Variants in PDGFRB observed in about 807,000 individuals in gnomAD.
The protein encoded by PDGFRB is platelet-derived growth factor receptor beta.
A neutral mutation model predicts 120.2 loss-of-function variants in PDGFRB; 42 were observed. The ratio of observed to expected loss-of-function variants is 0.35; its 90% CI spans 0.27 to 0.45. PDGFRB has a LOEUF of 0.45. PDGFRB is among the 20% of genes least tolerant of loss of function. The pLI, the probability that PDGFRB is intolerant of heterozygous loss-of-function variation, is 1.00. For missense variants in PDGFRB, 1,149 were observed against 1,476.3 expected (o/e 0.78, Z 3.63); for synonymous variants, 586 against 606.8 (o/e 0.97, Z 0.50).
At position 150,130,570 on chromosome 5, in the gene PDGFRB, T is replaced by C. The variant is rs778336670; in HGVS notation, c.1336A>G (p.Ile446Val). ...AGGTCTCTGCAGGCAGACCAGATGA[T>C]GTTCGGCTGGGGCATGCCCCGGCCA... is the stretch of plus-strand genomic sequence containing the variant. ...CRGRGMPQPN[I>V]IWSACRDLKR... is the part of the protein sequence containing the mutation. The change falls in exon 9 of 23, where the codon ATC (isoleucine) becomes GTC (valine). Residue 446 changes from isoleucine to valine, a missense_variant. This residue lies in a region of PDGFRB where 879 missense variants were observed against 1,108.6 expected (regional missense o/e 0.79). Transcript: ENST00000261799. 3.1e-6 allele frequency: 5 copies of C among 1,612,082 alleles called. No homozygotes were observed. The highest frequency in any genetic ancestry group is 2.5e-6 in the Non-Finnish European group (3 of 1,179,234).
chr5:150,133,068 T>A (rs1760518224), intron 6 of PDGFRB, 126 bp from the exon 7 acceptor site: 9 of 695,048 alleles, frequency 1.3e-5, no homozygotes, highest in Non-Finnish European at 2.1e-5. Flanking sequence ...TTTCCGGAGC[T>A]GAGGTTGAAA....
At position 150,133,971 on chromosome 5, in the gene PDGFRB, A is replaced by C; in HGVS notation, c.669T>G (p.Thr223=). The C allele has an allele frequency of 6.2e-7, 1 of 1,613,796 alleles. No homozygotes were observed. Among genetic ancestry groups the C allele is most frequent in the Non-Finnish European group, 8.5e-7 (1 of 1,179,674 alleles). ...SINVSVNAVQ[T]VVRQGENITL... is the part of the protein sequence containing the mutation. ...TGATGTTCTCACCCTGGCGGACCAC[A>C]GTCTGCACTGCGTTCACAGAGACGT... The change falls in exon 5 of 23, where the codon ACT becomes ACG. Residue 223 remains threonine, a synonymous_variant. Coordinates refer to ENST00000261799, the MANE Select transcript of PDGFRB (RefSeq NM_002609.4).
chr5:150,114,657 G>C lies in PDGFRB; in HGVS notation c.*1106C>G. On this transcript the variant is annotated 3_prime_UTR_variant, in exon 23 of 23. Coordinates refer to ENST00000261799, the MANE Select transcript of PDGFRB (RefSeq NM_002609.4). ...GGTTCCTGAGTCCCCAGAGTGTGAT[G>C]TGTGATCTGGAATCTCCCAGGAGCC... 4.3e-6 allele frequency: 1 copy of C among 233,606 alleles called. No individual in the cohort carries two copies. The highest frequency in any genetic ancestry group is 2.2e-5 in the African/African-American group (1 of 45,410). The allele number at this position is 233,606 out of a possible 1,614,324, so 14.5% of individuals were successfully genotyped here.
intron 1 of PDGFRB, among the ~76,000 whole-genome samples, chr5:150,151,138 A>C (rs1170704314): frequency 6.6e-6 from 1 of 152,248 alleles, no homozygotes; most frequent in East Asian, 1.9e-4. Context: ...TAAGAAAAAA[A>C]CCCTTTCATT....
intron 22 of PDGFRB, 91 bp downstream of exon 22, chr5:150,117,512 TGAGGCAAACCTGGCA>T (rs1759974691): frequency 3.0e-6 from 2 of 672,710 alleles, no homozygotes; most frequent in South Asian, 3.7e-5. Flanking sequence ...AACTTACCTC[TGAGGCAAACCTGGCA>T]GCGCGCGCGC....
At chr5:150,154,612 G>A (rs1378920951) in intron 1 of PDGFRB, among the ~76,000 whole-genome samples, 2 of 152,232 alleles carry the variant, frequency 1.3e-5, no homozygotes, top group African/African-American at 2.4e-5. Flanking sequence ...GGGAGGTGGT[G>A]TGATTGGATT....
Position 150,132,495 on chromosome 5 carries a change from C to CT in PDGFRB, c.1127+254dup. 6.6e-6 allele frequency among the ~76,000 whole-genome samples: 1 copy of CT among 152,334 alleles called. No individual in the cohort carries two copies. Among genetic ancestry groups the CT allele is most frequent in the East Asian group, 1.9e-4 (1 of 5,166 alleles). ...CATCTGCCCGTTTACTTCTTGGCTGCTACTGCTGGCCCCACCCATCACAAG... is the reference window on the plus strand; with the variant it reads ...CATCTGCCCGTTTACTTCTTGGCTGCTTACTGCTGGCCCCACCCATCACAAG... On this transcript the variant is annotated intron_variant, in intron 7 of 22. Coordinates refer to ENST00000261799, the MANE Select transcript of PDGFRB (RefSeq NM_002609.4). This position sits in a 1 kb window ranked among gnomAD's most constrained non-coding sequence, Gnocchi z 5.0.
At position 150,122,335 on chromosome 5, in the gene PDGFRB, C is replaced by T; in HGVS notation, c.2184-295G>A. 1.5e-5 allele frequency: 5 copies of T among 343,792 alleles called. No individual in the cohort carries two copies. In the South Asian group the frequency reaches 2.1e-4, roughly 15 times the overall value. The allele number at this position is 343,792 out of a possible 1,614,324, so 21.3% of individuals were successfully genotyped here. A position where few individuals can be genotyped will look rare whatever the true frequency, so the allele number is the denominator to read the frequency against. The stretch of plus-strand genomic sequence containing the variant: ...GTGTTCAGAGGCGCCTTCCTGTGGC[C>T]TCCCCAGCGCCACCTGGCCATGGGA... On this transcript the variant is annotated intron_variant, in intron 15 of 22. Coordinates refer to ENST00000261799, the MANE Select transcript of PDGFRB (RefSeq NM_002609.4).
rs2113889389 is a variant in PDGFRB, at chr5:150,121,183, C to T, written c.2463+21G>A. 2.9e-6 allele frequency: 4 copies of T among 1,365,086 alleles called. No homozygotes were observed. Among genetic ancestry groups the T allele is most frequent in the East Asian group, 4.6e-5 (2 of 43,750 alleles). The allele number at this position is 1,365,086 out of a possible 1,614,324, so 84.6% of individuals were successfully genotyped here. A position where few individuals can be genotyped will look rare whatever the true frequency, so the allele number is the denominator to read the frequency against. ...CCACCTCCCCACAGCCCCCACTCTG[C>T]CCCACCAACACCACACGTACGTTCT... On this transcript the variant is annotated intron_variant, in intron 17 of 22. Transcript: ENST00000261799. This position sits in a 1 kb window ranked among gnomAD's most constrained non-coding sequence, Gnocchi z 4.1.
intron 20 of PDGFRB, among the ~76,000 whole-genome samples, chr5:150,119,061 G>T (rs555213709): frequency 9.6e-4 from 146 of 152,214 alleles, no homozygotes; most frequent in Non-Finnish European, 2.0e-3. Flanking sequence ...TGGTTCCACA[G>T]GTTGACTACG....
intron 8 of PDGFRB, among the ~76,000 whole-genome samples, chr5:150,130,882 T>G (rs1163336331): frequency 1.3e-5 from 2 of 152,126 alleles, no homozygotes; most frequent in African/African-American, 4.8e-5. Context: ...CTTTAACACC[T>G]CTCTGAGACT....
In PDGFRB at chr5:150,121,243, G is replaced by T; in HGVS notation, c.2424C>A (p.Tyr808Ter). ...GAAACTCCATGCCATTGGCCACCTG[G>T]TAGCTGAAGCCCACGAGGTCCATGT... The part of the protein sequence containing the change: ...LSYMDLVGFS[Y>*]QVANGMEFLA... The change falls in exon 17 of 23, where the codon TAC becomes TAA. Residue 808 changes from tyrosine to a stop codon, truncating the protein, a stop_gained. Coordinates refer to ENST00000261799, the MANE Select transcript of PDGFRB (RefSeq NM_002609.4). LOFTEE classifies it high-confidence loss of function. The surrounding 1 kb of genome is among the most constrained non-coding windows in gnomAD (Gnocchi z 4.1). 6.2e-7 allele frequency: 1 copy of T among 1,605,150 alleles called. No homozygotes were observed. Among genetic ancestry groups the T allele is most frequent in the Non-Finnish European group, 8.5e-7 (1 of 1,171,818 alleles).
chr5:150,144,695 G>A (rs1760873910), intron 1 of PDGFRB, among the ~76,000 whole-genome samples: 1 of 152,192 alleles, frequency 6.6e-6, no homozygotes, highest in Non-Finnish European at 1.5e-5. Context: ...GTGCCTCACG[G>A]CTGCTGGGGG....
In PDGFRB at chr5:150,115,743, G is replaced by T; in HGVS notation, c.*20C>A. On this transcript the variant is annotated 3_prime_UTR_variant, in exon 23 of 23. Transcript: ENST00000261799. Reference sequence around the variant, plus strand: ...TGGCAGGGGGGGAGCTTCAGGCAGGGCAGGGTAGGGGCCAGCCCCCTACAG... The same window carrying T: ...TGGCAGGGGGGGAGCTTCAGGCAGGTCAGGGTAGGGGCCAGCCCCCTACAG... 1 of 1,558,050 alleles carries T rather than the reference G, an allele frequency of 6.4e-7. No individual in the cohort carries two copies. The highest frequency in any genetic ancestry group is 8.7e-7 in the Non-Finnish European group (1 of 1,151,512).
Position 150,126,631 on chromosome 5 carries a change from G to A in PDGFRB, c.1580-17C>T. 1 of 1,478,990 alleles carries A rather than the reference G, an allele frequency of 6.8e-7. No homozygotes were observed. The highest frequency in any genetic ancestry group is 9.5e-7 in the Non-Finnish European group (1 of 1,056,910). 91.6% of individuals were successfully genotyped at this position (1,478,990 alleles called of 1,614,324 possible). A position where few individuals can be genotyped will look rare whatever the true frequency, so the allele number is the denominator to read the frequency against. On this transcript the variant is annotated splice_polypyrimidine_tract_variant and intron_variant, in intron 10 of 22. Coordinates refer to ENST00000261799, the MANE Select transcript of PDGFRB (RefSeq NM_002609.4). The stretch of plus-strand genomic sequence containing the variant: ...AGGGCAAGGCTGGAGGCAGAGATGA[G>A]AGCAGGCCATGAGCAAACTGGGCAG...
rs761649485 is a variant in PDGFRB at position 150,133,680 on chromosome 5, A to T, written c.840T>A (p.Ser280Arg). The change falls in exon 6 of 23, where the codon AGT (serine) becomes AGA (arginine). Residue 280 changes from serine (S) to arginine (R), a missense_variant. Around this residue, in one of 3 missense-constraint regions of PDGFRB, gnomAD observed 879 missense variants for 1,108.6 expected, o/e 0.79. Coordinates refer to ENST00000261799, the MANE Select transcript of PDGFRB (RefSeq NM_002609.4). ...AGGTCCCCGAGTCTTCTAACTCGGC[A>T]CTGGGGATGTGCAGGATGGAGCGGA... Reference protein sequence around the residue: ...YHIRSILHIPSAELEDSGTYT... With the variant: ...YHIRSILHIPRAELEDSGTYT... 7 of 1,613,830 alleles carry T rather than the reference A, an allele frequency of 4.3e-6. No individual in the cohort carries two copies. Among genetic ancestry groups the T allele is most frequent in the Non-Finnish European group, 5.9e-6 (7 of 1,179,862 alleles).
chr5:150,155,341 G>C (rs1761202467), intron 1 of PDGFRB, 56 bp downstream of exon 1: 1 of 338,344 alleles, frequency 3.0e-6, no homozygotes, highest in Non-Finnish European at 5.2e-6. Context: ...AGAGATGCAG[G>C]TTAGGGCAAA....
At chr5:150,122,993 T>A (rs1205071651) in intron 15 of PDGFRB, 49 bp downstream of exon 15, 7 of 1,490,592 alleles carry the variant, frequency 4.7e-6, no homozygotes, top group Non-Finnish European at 6.5e-6. Flanking sequence ...GAAGGAGCGG[T>A]GCTCCTCAGG....
rs3733679 is a variant in PDGFRB at position 150,132,296 on chromosome 5, A to G, written c.1128-202T>C. On this transcript the variant is annotated intron_variant, in intron 7 of 22. Coordinates refer to ENST00000261799, the MANE Select transcript of PDGFRB (RefSeq NM_002609.4). The surrounding 1 kb of genome is among the most constrained non-coding windows in gnomAD (Gnocchi z 5.0). ...TCCCCTAGGCCAAGAGGGAGGGTTG[A>G]GATGAACTGTGGGTGGGGGTGGGGA... Among the ~76,000 whole-genome samples the G allele has an allele frequency of 8.6e-3, 1,304 of 152,262 alleles. 43 individuals carry two copies. Among genetic ancestry groups the G allele is most frequent in the South Asian group, 0.059 (286 of 4,820 alleles).
Sources: gnomAD v4.1 joint callset for allele counts (sites outside exome capture counted in the v4.1 genomes callset) on GRCh38, gnomAD v4.1.1 for gene constraint, gnomAD v4.1.1 regional missense constraint, Gnocchi (gnomAD v3.1) non-coding constraint, MANE v1.5 for transcripts, NCBI Gene and HGNC (gene_info 2026-07-23, HGNC 2026-07-21) for gene names.